SVOP: variants seen among roughly 807,000 people sequenced by gnomAD.
SVOP encodes the protein synaptic vesicle 2-related protein.
In SVOP, 17 loss-of-function variants were observed where a neutral mutation model predicts 69.1. The observed-to-expected ratio is 0.25, with a 90% CI of 0.17 to 0.37. The LOEUF (loss-of-function observed/expected upper bound fraction) is 0.37, where lower values mean the gene tolerates loss of function less well. Among genes scored for constraint, SVOP ranks in the 10% least tolerant of loss-of-function variants. SVOP has a pLI of 1.00. For missense variants in SVOP, 435 were observed against 597.5 expected (o/e 0.73, Z 2.84); for synonymous variants, 238 against 238.6 (o/e 1.00, Z 0.02).
At chr12:108,966,954 C>T (rs2040049214) in intron 5 of SVOP, among the ~76,000 whole-genome samples, 1 of 143,720 alleles carries the variant, frequency 7.0e-6, no homozygotes, top group African/African-American at 2.7e-5. Context: ...TAATAATAGA[C>T]ATTTATGTCA....
intron 4 of SVOP, among the ~76,000 whole-genome samples, chr12:108,973,354 G>C (rs2040089640): frequency 1.1e-5 from 1 of 92,090 alleles, no homozygotes; most frequent in Non-Finnish European, 2.5e-5. Flanking sequence ...AGCGTTCCAA[G>C]GGAGAAGCAG....
intron 11 of SVOP, among the ~76,000 whole-genome samples, chr12:108,929,160 A>G (rs1423867657): frequency 6.6e-6 from 1 of 152,208 alleles, no homozygotes; most frequent in African/African-American, 2.4e-5. Flanking sequence ...TCAAACTTAG[A>G]TGAAATACGT....
intron 5 of SVOP, among the ~76,000 whole-genome samples, chr12:108,965,311 T>G (rs1039696114): frequency 2.6e-5 from 4 of 152,226 alleles, no homozygotes; most frequent in African/African-American, 9.6e-5. Flanking sequence ...GTGCCAAAGT[T>G]GGAGCCAGAA....
intron 1 of SVOP, among the ~76,000 whole-genome samples, chr12:108,997,091 T>C (rs1300194333): frequency 2.6e-5 from 4 of 151,758 alleles, no homozygotes; most frequent in Admixed American, 6.6e-5. Context: ...TGGGCGCAGG[T>C]CAGTGGGTGC....
intron 7 of SVOP, among the ~76,000 whole-genome samples, chr12:108,941,948 A>G (rs1458848804): frequency 6.6e-6 from 1 of 152,162 alleles, no homozygotes; most frequent in South Asian, 2.1e-4. Context: ...TACAGGCATG[A>G]GCCACCACGC....
intron 11 of SVOP, among the ~76,000 whole-genome samples, chr12:108,933,744 C>T (rs1034815754): frequency 2.0e-5 from 3 of 151,978 alleles, no homozygotes; most frequent in South Asian, 4.1e-4. Context: ...GGAAGATTCA[C>T]AGCAAACCAT....
Position 108,922,684 on chromosome 12 carries a change from C to A in SVOP, c.1156+6G>T. ...GACACAGCTTCACCTTGCACAGGTC[C>A]CTCACCTGGAAACTCAGAGAGGGTG... On this transcript the variant is annotated splice_donor_region_variant and intron_variant, in intron 12 of 15. Coordinates refer to ENST00000610966, the MANE Select transcript of SVOP (RefSeq NM_018711.5). 6.3e-7 allele frequency: 1 copy of A among 1,597,680 alleles called. No individual in the cohort carries two copies. Among genetic ancestry groups the A allele is most frequent in the East Asian group, 2.2e-5 (1 of 44,446 alleles).
In SVOP at chr12:108,945,119, C is replaced by G. The variant is rs2039915058; in HGVS notation, c.626G>C (p.Cys209Ser). 4 of 1,537,066 alleles carry G rather than the reference C, an allele frequency of 2.6e-6. No individual in the cohort carries two copies. Among genetic ancestry groups the G allele is most frequent in the Non-Finnish European group, 2.6e-6 (3 of 1,146,838 alleles). The change falls in exon 7 of 16, where the codon TGT becomes TCT. Residue 209 changes from cysteine (C) to serine (S), a missense_variant. Cys to Ser is a moderately radical substitution (Grantham distance 112, BLOSUM62 -1). Coordinates refer to ENST00000610966, the MANE Select transcript of SVOP (RefSeq NM_018711.5). ...CCTCCTTACCTCAATCAGCAAAATA[C>G]ATTTAGCTCTGGCTTTCATGGGAAG... ...EFLPMKARAK[C>S]ILLIEVFWAI...
In SVOP at chr12:108,909,282, A is replaced by G. The variant is rs12317110; in HGVS notation, c.*3253T>C. On this transcript the variant is annotated 3_prime_UTR_variant, in exon 16 of 16. Coordinates refer to ENST00000610966, the MANE Select transcript of SVOP (RefSeq NM_018711.5). ...CAAAAGTAATTGCATTTGGGAGGCC[A>G]AGGTGGGCGGATCACTTGAGGTCAG... 35,232 of 152,050 alleles carry G rather than the reference A, an allele frequency of 0.23. 8,597 individuals carry two copies. The highest frequency in any genetic ancestry group is 0.62 in the African/African-American group (25,776 of 41,398). 9.4% of individuals were successfully genotyped at this position (152,050 alleles called of 1,614,324 possible).
At chr12:109,010,567 G>A (rs936136251) in intron 1 of SVOP, among the ~76,000 whole-genome samples, 5 of 152,268 alleles carry the variant, frequency 3.3e-5, no homozygotes, top group East Asian at 3.9e-4. Flanking sequence ...AGGCTGGAGT[G>A]CAGTGGTGCA....
chr12:108,919,723 A>C lies in SVOP; in HGVS notation c.1220T>G (p.Phe407Cys), dbSNP rs769888247. Residue 407 changes from phenylalanine (F) to cysteine (C), a missense_variant, in exon 13 of 16, where the codon TTT (phenylalanine) becomes TGT (cysteine). Physicochemically the swap from Phe to Cys is radical, Grantham distance 205 (BLOSUM62 -2). Coordinates refer to ENST00000610966, the MANE Select transcript of SVOP (RefSeq NM_018711.5). ...LGRKKTMALC[F>C]VIFSFCSLLL... ...GAGGCTGCAGAAGGAGAAGATGACAAAGCACAGGGCCATGGTCTTCTTGCG... is the reference window on the plus strand; with the variant it reads ...GAGGCTGCAGAAGGAGAAGATGACACAGCACAGGGCCATGGTCTTCTTGCG... 6.2e-7 allele frequency: 1 copy of C among 1,608,608 alleles called. No homozygotes were observed. Among genetic ancestry groups the C allele is most frequent in the Non-Finnish European group, 8.5e-7 (1 of 1,177,432 alleles).
At chr12:108,974,788 C>G (rs1264287791) in intron 4 of SVOP, among the ~76,000 whole-genome samples, 1 of 151,622 alleles carries the variant, frequency 6.6e-6, no homozygotes, top group Non-Finnish European at 1.5e-5. Context: ...ATACCAGTTC[C>G]AAGAAAAAAG....
intron 12 of SVOP, among the ~76,000 whole-genome samples, chr12:108,921,939 T>G (rs1000792441): frequency 2.0e-5 from 3 of 152,200 alleles, no homozygotes; most frequent in African/African-American, 7.2e-5. Context: ...TAGAAGTTAT[T>G]GTAGTTGTAA....
Position 108,918,129 on chromosome 12 carries a change from G to C in SVOP, c.1269-5C>G. 1 of 1,559,128 alleles carries C rather than the reference G, an allele frequency of 6.4e-7. No individual in the cohort carries two copies. The highest frequency in any genetic ancestry group is 1.4e-5 in the African/African-American group (1 of 73,514). On this transcript the variant is annotated splice_polypyrimidine_tract_variant and splice_region_variant and intron_variant, in intron 13 of 15. Coordinates refer to ENST00000610966, the MANE Select transcript of SVOP (RefSeq NM_018711.5). ...AGTAACAGAGTGAGCACATTTCTAGGAGGAGGATAAAGGCAGATGATGGCA... is the reference window on the plus strand; with the variant it reads ...AGTAACAGAGTGAGCACATTTCTAGCAGGAGGATAAAGGCAGATGATGGCA...
intron 14 of SVOP, among the ~76,000 whole-genome samples, chr12:108,917,418 C>A (rs1187706626): frequency 3.3e-5 from 5 of 152,182 alleles, no homozygotes; most frequent in Non-Finnish European, 7.3e-5. Flanking sequence ...TGCCTAAATT[C>A]TCTCCTGATC....
At chr12:108,987,552 T>G (rs1041795965) in intron 1 of SVOP, among the ~76,000 whole-genome samples, 1 of 152,240 alleles carries the variant, frequency 6.6e-6, no homozygotes, top group Non-Finnish European at 1.5e-5. Flanking sequence ...CCGTTTTGTA[T>G]TCTCACAAGC....
At chr12:109,011,729 C>A (rs2040342772) in intron 1 of SVOP, among the ~76,000 whole-genome samples, 1 of 152,066 alleles carries the variant, frequency 6.6e-6, no homozygotes, top group Non-Finnish European at 1.5e-5. Context: ...ATGAATGGAT[C>A]AAGGAAATGT....
intron 2 of SVOP, among the ~76,000 whole-genome samples, chr12:108,982,105 ATCG>A (rs2040139157): frequency 6.6e-6 from 1 of 151,856 alleles, no homozygotes; most frequent in Non-Finnish European, 1.5e-5. Context: ...CATCATCACC[ATCG>A]TAACCACCAT....
At position 108,908,556 on chromosome 12, in the gene SVOP, T is replaced by C. The variant is rs1455679220; in HGVS notation, c.*3979A>G. On this transcript the variant is annotated 3_prime_UTR_variant, in exon 16 of 16. Coordinates refer to ENST00000610966, the MANE Select transcript of SVOP (RefSeq NM_018711.5). ...AGCCCCCCCCTGCAGACAGGGCTGG[T>C]GTTTCTCTTGTCCTTACACCTTTTC... is the stretch of plus-strand genomic sequence containing the variant. The C allele has an allele frequency of 6.6e-6, 1 of 152,142 alleles. No homozygotes were observed. The highest frequency in any genetic ancestry group is 1.5e-5 in the Non-Finnish European group (1 of 68,026). The allele number at this position is 152,142 out of a possible 1,614,324, so 9.4% of individuals were successfully genotyped here. A position where few individuals can be genotyped will look rare whatever the true frequency, so the allele number is the denominator to read the frequency against.
Sources: gnomAD v4.1 joint callset for allele counts (sites outside exome capture counted in the v4.1 genomes callset) on GRCh38, gnomAD v4.1.1 for gene constraint, MANE v1.5 for transcripts, NCBI Gene and HGNC (gene_info 2026-07-23, HGNC 2026-07-21) for gene names.